Variants in MKLN1 observed in about 807,000 individuals in gnomAD.
The protein encoded by MKLN1 is muskelin 1, also known as muskelin.
MKLN1 carries 18 observed loss-of-function variants against 99.0 expected under a neutral mutation model. The ratio of observed to expected loss-of-function variants is 0.18; its 90% CI spans 0.13 to 0.27. MKLN1 has a LOEUF of 0.27. Ranked by LOEUF, MKLN1 falls within the 10% of genes least tolerant of loss-of-function variation. The probability of loss-of-function intolerance (pLI) is 1.00; values close to 1 mark genes in which losing one functional copy is unlikely to be tolerated. For synonymous variants in MKLN1, 288 were observed against 293.2 expected (o/e 0.98, Z 0.18); for missense variants, 621 against 875.9 (o/e 0.71, Z 3.67).
At chr7:131,194,395 C>T (rs1796612555) in intron 2 of MKLN1, among the ~76,000 whole-genome samples, 1 of 152,164 alleles carries the variant, frequency 6.6e-6, no homozygotes, top group South Asian at 2.1e-4. Flanking sequence ...TGTAAAGTCA[C>T]ATCTTCTTAA....
chr7:131,396,790 T>C lies in MKLN1; in HGVS notation c.401-477T>C, dbSNP rs185699635. On this transcript the variant is annotated intron_variant, in intron 4 of 17. Transcript: ENST00000352689. Reference sequence around the variant, plus strand: ...TGGTTACAATGAAAATCTGATAGAATTTTTTGCAACTTTTCTCCTTTTAAT... The same window carrying C: ...TGGTTACAATGAAAATCTGATAGAACTTTTTGCAACTTTTCTCCTTTTAAT... Among the ~76,000 whole-genome samples, 17 of 152,312 alleles carry C rather than the reference T, an allele frequency of 1.1e-4. No homozygotes were observed. The East Asian group carries it at 2.5e-3, about 22-fold the overall frequency.
At position 131,199,500 on chromosome 7, in the gene MKLN1, T is replaced by C. The variant is rs148150249; in HGVS notation, c.-296-3357T>C. On this transcript the variant is annotated intron_variant, in intron 2 of 7. Coordinates refer to the MKLN1 transcript ENST00000416992. ...AACTCTTGGCCTCTTCAACCCAAAC[T>C]CTTTATTTCAATACTCACTGAAGAA... is the stretch of plus-strand genomic sequence containing the variant. Among the ~76,000 whole-genome samples, 201 of 152,302 alleles carry C rather than the reference T, an allele frequency of 1.3e-3. 1 individual carries two copies. Among genetic ancestry groups the C allele is most frequent in the African/African-American group, 4.5e-3 (189 of 41,558 alleles).
intron 8 of MKLN1, among the ~76,000 whole-genome samples, chr7:131,415,092 AGTT>A (rs1041352182): frequency 6.6e-6 from 1 of 151,734 alleles, no homozygotes; most frequent in Non-Finnish European, 1.5e-5. Flanking sequence ...TAAATAATTT[AGTT>A]GTTGTTTTTT....
At chr7:131,342,942 G>A (rs570268770) in intron 1 of MKLN1, among the ~76,000 whole-genome samples, 1 of 152,284 alleles carries the variant, frequency 6.6e-6, no homozygotes, top group South Asian at 2.1e-4. Flanking sequence ...CCAGATAATA[G>A]CCTAATCTAT....
At chr7:131,212,595 C>G (rs1796921795) in intron 3 of MKLN1, among the ~76,000 whole-genome samples, 1 of 152,146 alleles carries the variant, frequency 6.6e-6, no homozygotes, top group Admixed American at 6.5e-5. Context: ...AAACAGAAAA[C>G]TATGAAAAAT....
chr7:131,428,092 AC>A (rs1192848583), intron 8 of MKLN1, among the ~76,000 whole-genome samples: 1 of 151,690 alleles, frequency 6.6e-6, no homozygotes, highest in African/African-American at 2.4e-5. Context: ...GATTGCTTGA[AC>A]CCAGGAGGCT....
chr7:131,267,874 TG>T (rs1478626371), intron 3 of MKLN1, among the ~76,000 whole-genome samples: 1 of 152,222 alleles, frequency 6.6e-6, no homozygotes, highest in Non-Finnish European at 1.5e-5. Flanking sequence ...CCACAGCATT[TG>T]GGTTCTCCAT....
intron 1 of MKLN1, among the ~76,000 whole-genome samples, chr7:131,112,038 C>T (rs976264453): frequency 2.0e-5 from 3 of 152,176 alleles, no homozygotes; most frequent in African/African-American, 7.2e-5. Context: ...GTTTTCAGTT[C>T]CTTCCTCTTT....
intron 3 of MKLN1, among the ~76,000 whole-genome samples, chr7:131,236,784 A>T (rs1797328124): frequency 6.6e-6 from 1 of 152,038 alleles, no homozygotes; most frequent in Non-Finnish European, 1.5e-5. Context: ...CAGGAGTTTA[A>T]GACCAGCTTG....
intron 16 of MKLN1, among the ~76,000 whole-genome samples, chr7:131,472,695 A>G (rs549273367): frequency 3.3e-5 from 5 of 152,208 alleles, no homozygotes; most frequent in Non-Finnish European, 7.4e-5. Flanking sequence ...TCACGCCTGT[A>G]ATCCCAGCAC....
intron 12 of MKLN1, among the ~76,000 whole-genome samples, chr7:131,446,112 A>G (rs1288364988): frequency 6.6e-6 from 1 of 152,198 alleles, no homozygotes; most frequent in East Asian, 1.9e-4. Flanking sequence ...AGCAGAAAAT[A>G]TGTGAATTTC....
intron 3 of MKLN1, among the ~76,000 whole-genome samples, chr7:131,204,443 T>C (rs563649434): frequency 2.0e-5 from 3 of 152,246 alleles, no homozygotes; most frequent in Admixed American, 2.0e-4. Context: ...GAAAGGGAAA[T>C]ATCTCTAAGA....
chr7:131,429,249 TAGC>T lies in MKLN1; in HGVS notation c.960+106_960+108del, dbSNP rs1452945498. 4 of 687,426 alleles carry T rather than the reference TAGC, an allele frequency of 5.8e-6. No homozygotes were observed. The Admixed American group carries it at 1.3e-4, about 22-fold the overall frequency. The allele number at this position is 687,426 out of a possible 1,614,324, so 42.6% of individuals were successfully genotyped here. A position where few individuals can be genotyped will look rare whatever the true frequency, so the allele number is the denominator to read the frequency against. On this transcript the variant is annotated intron_variant, in intron 9 of 17. Coordinates refer to ENST00000352689, the MANE Select transcript of MKLN1 (RefSeq NM_013255.5). ...CTTCACTAATGTCTGTCAGCAGTAG[TAGC>T]AATAGAATTTGTGGTAAACAAGTTT...
At chr7:131,470,113 C>T (rs1796777293) in intron 15 of MKLN1, among the ~76,000 whole-genome samples, 2 of 152,172 alleles carry the variant, frequency 1.3e-5, no homozygotes, top group South Asian at 4.1e-4. Context: ...GCAGTCCACC[C>T]ACCTTGACTT....
intron 7 of MKLN1, among the ~76,000 whole-genome samples, chr7:131,413,805 C>T (rs1220143817): frequency 1.3e-5 from 2 of 152,144 alleles, no homozygotes; most frequent in African/African-American, 4.8e-5. Flanking sequence ...TCCCAGAGTG[C>T]TGGGATTACA....
At chr7:131,137,824 C>T (rs1795672033) in intron 1 of MKLN1, among the ~76,000 whole-genome samples, 1 of 152,166 alleles carries the variant, frequency 6.6e-6, no homozygotes, top group African/African-American at 2.4e-5. Flanking sequence ...ATCCACCTGC[C>T]TAGGCCTCCC....
intron 3 of MKLN1, among the ~76,000 whole-genome samples, chr7:131,298,331 A>G (rs1378350903): frequency 6.6e-6 from 1 of 152,050 alleles, no homozygotes; most frequent in Non-Finnish European, 1.5e-5. Context: ...AAAATTTGCC[A>G]AGGTGCTTGG....
At chr7:131,289,061 G>A (rs1798177075) in intron 3 of MKLN1, among the ~76,000 whole-genome samples, 1 of 152,106 alleles carries the variant, frequency 6.6e-6, no homozygotes, top group Non-Finnish European at 1.5e-5. Context: ...CTGGGCTCAG[G>A]CAATCCTTCC....
At chr7:131,309,094 C>A (rs1426860369) in intron 3 of MKLN1, among the ~76,000 whole-genome samples, 1 of 152,192 alleles carries the variant, frequency 6.6e-6, no homozygotes, top group Non-Finnish European at 1.5e-5. Context: ...GGGAACTAGA[C>A]AGATTATAAT....
Sources: allele counts gnomAD v4.1 joint callset (sites outside exome capture counted in the v4.1 genomes callset), GRCh38; gene constraint gnomAD v4.1.1; transcripts MANE v1.5; gene names NCBI Gene and HGNC (gene_info 2026-07-23, HGNC 2026-07-21).